The following HPSE2 variants were observed in gnomAD, a reference collection of about 807,000 sequenced individuals.
The protein encoded by HPSE2 is heparanase 2 (inactive), also known as inactive heparanase-2.
In HPSE2, 38 loss-of-function variants were observed where a neutral mutation model predicts 60.5. That is an observed-to-expected ratio of 0.63 (90% CI 0.48 to 0.82). HPSE2 has a LOEUF of 0.82. Among genes scored for constraint, HPSE2 ranks in the 40% least tolerant of loss-of-function variants. The pLI, the probability that HPSE2 is intolerant of heterozygous loss-of-function variation, is 0.00. For missense variants in HPSE2, 713 were observed against 740.4 expected, an observed-to-expected ratio of 0.96 and a Z score of 0.43; for synonymous variants, 295 against 293.2, an observed-to-expected ratio of 1.01 and a Z score of -0.06.
At chr10:99,267,649 T>C in the HPSE2 span, among the ~76,000 whole-genome samples, 8 of 151,598 alleles carry the variant, frequency 5.3e-5, no homozygotes, top group East Asian at 7.8e-4. Context: ...AGCGTGGTGG[T>C]GGGGCCTGTA....
At chr10:98,879,026 A>AT (rs2134870245) in intron 3 of HPSE2, among the ~76,000 whole-genome samples, 1 of 152,140 alleles carries the variant, frequency 6.6e-6, no homozygotes, top group East Asian at 1.9e-4. Flanking sequence ...TATCAAAGAG[A>AT]TAATTCTAAA....
intron 7 of HPSE2, among the ~76,000 whole-genome samples, chr10:98,626,941 T>A (rs1946231927): frequency 6.6e-6 from 1 of 152,014 alleles, no homozygotes; most frequent in Non-Finnish European, 1.5e-5. Flanking sequence ...GCCCAGCTAA[T>A]TTTTTGTATT....
At chr10:98,676,208 C>A (rs1000415117) in intron 6 of HPSE2, among the ~76,000 whole-genome samples, 1 of 152,144 alleles carries the variant, frequency 6.6e-6, no homozygotes, top group Non-Finnish European at 1.5e-5. Flanking sequence ...GTGTTATTAA[C>A]TATGTGCAAG....
At chr10:99,274,472 C>T in the HPSE2 span, among the ~76,000 whole-genome samples, 1 of 152,000 alleles carries the variant, frequency 6.6e-6, no homozygotes, top group Non-Finnish European at 1.5e-5. Context: ...ATTTTTAAGA[C>T]TCAGTTTTCA....
intron 7 of HPSE2, among the ~76,000 whole-genome samples, chr10:98,627,179 A>G (rs969542293): frequency 7.2e-5 from 11 of 152,212 alleles, no homozygotes; most frequent in Admixed American, 7.2e-4. Context: ...AAGACCCTTC[A>G]AGGACATAGA....
chr10:99,011,843 A>C (rs1957025077), intron 3 of HPSE2, among the ~76,000 whole-genome samples: 2 of 152,046 alleles, frequency 1.3e-5, no homozygotes, highest in South Asian at 4.2e-4. Flanking sequence ...CATTGTATCA[A>C]TCAATCTTTA....
chr10:98,527,149 G>T (rs1942991833), intron 9 of HPSE2, among the ~76,000 whole-genome samples: 1 of 151,976 alleles, frequency 6.6e-6, no homozygotes, highest in Non-Finnish European at 1.5e-5. Flanking sequence ...CTTCTGCCTT[G>T]TTTATTGCCA....
At chr10:99,136,741 CAAAAT>C (rs1275802997) in intron 3 of HPSE2, among the ~76,000 whole-genome samples, 1 of 152,132 alleles carries the variant, frequency 6.6e-6, no homozygotes, top group African/African-American at 2.4e-5. Context: ...GAACATATCT[CAAAAT>C]AATAAGAGCT....
At chr10:98,852,847 T>C (rs771482239) in intron 3 of HPSE2, among the ~76,000 whole-genome samples, 5 of 152,150 alleles carry the variant, frequency 3.3e-5, no homozygotes, top group Non-Finnish European at 5.9e-5. Flanking sequence ...AAAAAATAAA[T>C]TGGGAAAAGT....
intron 7 of HPSE2, among the ~76,000 whole-genome samples, chr10:98,629,368 C>T (rs1946300007): frequency 1.3e-5 from 2 of 152,198 alleles, no homozygotes; most frequent in South Asian, 4.1e-4. Context: ...CTACAGGAAG[C>T]TTCTTAAACC....
rs890780362 is a variant in HPSE2 at position 98,773,549 on chromosome 10, T to C, written c.611-29493A>G. Among the ~76,000 whole-genome samples the C allele has an allele frequency of 3.9e-5, 6 of 152,174 alleles. No homozygotes were observed. In the East Asian group the frequency reaches 9.6e-4, roughly 24 times the overall value. Reference sequence around the variant, plus strand: ...CCAAAAACACTTCTGGAAAGGGACATTTTGGCAATATGTATCAAAAGCTTT... The same window carrying C: ...CCAAAAACACTTCTGGAAAGGGACACTTTGGCAATATGTATCAAAAGCTTT... On this transcript the variant is annotated intron_variant, in intron 3 of 11. Transcript: ENST00000370552.
chr10:98,495,091 C>T (rs1941786540), intron 9 of HPSE2, among the ~76,000 whole-genome samples: 2 of 152,036 alleles, frequency 1.3e-5, no homozygotes, highest in South Asian at 4.1e-4. Flanking sequence ...AATCTCTCAG[C>T]TTTTCTTTAT....
At chr10:99,291,159 T>C in the HPSE2 span, among the ~76,000 whole-genome samples, 1 of 152,160 alleles carries the variant, frequency 6.6e-6, no homozygotes, top group African/African-American at 2.4e-5. Flanking sequence ...ACAAGGTTGA[T>C]GTCAGAATAA....
At chr10:99,011,128 T>A (rs1438417515) in intron 3 of HPSE2, among the ~76,000 whole-genome samples, 1 of 88,014 alleles carries the variant, frequency 1.1e-5, no homozygotes, top group Non-Finnish European at 2.5e-5. Context: ...TTTCTGTTCC[T>A]GTGTTAGGTT....
At chr10:99,315,080 T>C in the HPSE2 span, among the ~76,000 whole-genome samples, 1 of 152,222 alleles carries the variant, frequency 6.6e-6, no homozygotes, top group East Asian at 1.9e-4. Context: ...ACTAATTTTA[T>C]TTAAGTATAG....
intron 3 of HPSE2, among the ~76,000 whole-genome samples, chr10:98,959,798 G>A (rs1189947514): frequency 6.6e-6 from 1 of 152,100 alleles, no homozygotes; most frequent in Non-Finnish European, 1.5e-5. Context: ...TGGGAAAGCT[G>A]ACACTAAGCT....
intron 11 of HPSE2, among the ~76,000 whole-genome samples, chr10:98,480,817 T>G (rs570947394): frequency 1.3e-5 from 2 of 152,294 alleles, no homozygotes; most frequent in East Asian, 3.9e-4. Context: ...GTATCCTTCC[T>G]CTTTCTCAAC....
Position 98,654,010 on chromosome 10 carries a change from A to C in HPSE2, c.1005-12070T>G, listed in dbSNP as rs139888414. On this transcript the variant is annotated intron_variant, in intron 6 of 11. Transcript: ENST00000370552. ...TTCAACATTTTAATGATTTCACTCC[A>C]CTATTTTCATGCTTGCATTGTTTCT... Among the ~76,000 whole-genome samples, 562 of 151,172 alleles carry C rather than the reference A, an allele frequency of 3.7e-3. 2 individuals are homozygous for C. Among genetic ancestry groups the C allele is most frequent in the African/African-American group, 0.013 (543 of 41,194 alleles).
At chr10:99,147,351 T>C (rs1011006347) in intron 2 of HPSE2, among the ~76,000 whole-genome samples, 3 of 152,204 alleles carry the variant, frequency 2.0e-5, no homozygotes, top group Admixed American at 2.0e-4. Context: ...AAAAGAAATA[T>C]GAATGCTTTC....
Sources: gnomAD v4.1 joint callset for allele counts (sites outside exome capture counted in the v4.1 genomes callset) on GRCh38, gnomAD v4.1.1 for gene constraint, MANE v1.5 for transcripts, NCBI Gene and HGNC (gene_info 2026-07-23, HGNC 2026-07-21) for gene names.